The following USP47 variants were observed in gnomAD, a reference collection of about 807,000 sequenced individuals.
USP47 encodes ubiquitin specific peptidase 47, also known as ubiquitin carboxyl-terminal hydrolase 47.
USP47 carries 35 observed loss-of-function variants against 165.1 expected under a neutral mutation model. The observed-to-expected ratio is 0.21, with a 90% CI of 0.16 to 0.28. USP47 has a LOEUF of 0.28. Ranked by LOEUF, USP47 falls within the 10% of genes least tolerant of loss-of-function variation. USP47 has a pLI of 1.00. For missense variants in USP47, 1,277 were observed against 1,607.4 expected (o/e 0.79, Z 3.52); for synonymous variants, 531 against 544.5 (o/e 0.98, Z 0.35).
intron 1 of USP47, chr11:11,873,878 T>C: frequency 7.1e-7 from 1 of 1,409,456 alleles, no homozygotes; most frequent in Non-Finnish European, 9.4e-7. Context: ...CTGATGTAAT[T>C]GCTTTAATGT....
At chr11:11,947,739 A>G (rs1355077281) in intron 20 of USP47, among the ~76,000 whole-genome samples, 2 of 152,182 alleles carry the variant, frequency 1.3e-5, no homozygotes, top group Non-Finnish European at 2.9e-5. Flanking sequence ...ATAGCTCAGA[A>G]CATTTTAAGC....
chr11:11,905,824 C>CT (rs11290018), intron 8 of USP47, among the ~76,000 whole-genome samples: 105 of 147,764 alleles, frequency 7.1e-4, no homozygotes, highest in South Asian at 8.6e-4. Flanking sequence ...TCACTTTTAT[C>CT]TTTTTTTTTT....
rs1050312505 is a variant in USP47 at position 11,897,755 on chromosome 11, C to G, written c.593+62C>G. 5 of 1,166,662 alleles carry G rather than the reference C, an allele frequency of 4.3e-6. No individual in the cohort carries two copies. In the African/African-American group the frequency reaches 4.7e-5, roughly 11 times the overall value. The allele number at this position is 1,166,662 out of a possible 1,614,324, so 72.3% of individuals were successfully genotyped here. A position where few individuals can be genotyped will look rare whatever the true frequency, so the allele number is the denominator to read the frequency against. Reference sequence around the variant, plus strand: ...TTAAGAATGAAAATATCACTTTTAACAAAATTTATCTTCTTGCAGTTATTT... The same window carrying G: ...TTAAGAATGAAAATATCACTTTTAAGAAAATTTATCTTCTTGCAGTTATTT... On this transcript the variant is annotated intron_variant, in intron 5 of 27. Transcript: ENST00000527733.
chr11:11,900,109 G>C (rs1347461621), intron 5 of USP47, among the ~76,000 whole-genome samples: 1 of 151,368 alleles, frequency 6.6e-6, no homozygotes, highest in Non-Finnish European at 1.5e-5. Flanking sequence ...AGTATCCAGA[G>C]AGTAGTGCTA....
At chr11:11,903,419 G>T in intron 7 of USP47, 77 bp downstream of exon 7, 1 of 1,408,450 alleles carries the variant, frequency 7.1e-7, no homozygotes, top group Non-Finnish European at 9.9e-7. Flanking sequence ...TTATTCTGTT[G>T]GAATGTTTTA....
chr11:11,892,082 T>C lies in USP47; in HGVS notation c.472T>C (p.Ser158Pro). The C allele has an allele frequency of 6.2e-7, 1 of 1,613,476 alleles. No individual in the cohort carries two copies. Among genetic ancestry groups the C allele is most frequent in the South Asian group, 1.1e-5 (1 of 90,940 alleles). The stretch of plus-strand genomic sequence containing the variant: ...TGTCAGCCAAAGCTACTCCTACTCA[T>C]CTATTTTGAATAAATCAGAAACTGG... Reference protein sequence around the residue: ...DYVSQSYSYSSILNKSETGYV... With the variant: ...DYVSQSYSYSPILNKSETGYV... The change falls in exon 4 of 28, where the codon TCT becomes CCT. Residue 158 changes from serine to proline, a missense_variant. By Grantham distance (74) the Ser-to-Pro change is moderately conservative (BLOSUM62 -1). This residue lies in a region of USP47 where 181 missense variants were observed against 194.7 expected (regional missense o/e 0.93). Coordinates refer to ENST00000527733, the MANE Select transcript of USP47 (RefSeq NM_001282659.2).
chr11:11,918,334 C>T (rs934013068), intron 8 of USP47, among the ~76,000 whole-genome samples: 1 of 151,978 alleles, frequency 6.6e-6, no homozygotes, highest in South Asian at 2.1e-4. Context: ...AAAGGAATCT[C>T]AAGAGACCAA....
intron 1 of USP47, 145 bp from the exon 2 acceptor site, chr11:11,880,032 A>T: frequency 1.8e-6 from 1 of 553,576 alleles, no homozygotes; most frequent in Non-Finnish European, 2.9e-6. Flanking sequence ...GTTTCAGACT[A>T]CGATAAAACA....
chr11:11,924,305 C>T (rs1005363966), intron 11 of USP47, among the ~76,000 whole-genome samples: 1 of 152,040 alleles, frequency 6.6e-6, no homozygotes, highest in Non-Finnish European at 1.5e-5. Flanking sequence ...CTTTGCATAC[C>T]TGGAATGAAT....
intron 1 of USP47, among the ~76,000 whole-genome samples, chr11:11,845,482 G>C (rs1848375912): frequency 6.6e-6 from 1 of 152,026 alleles, no homozygotes; most frequent in Non-Finnish European, 1.5e-5. Flanking sequence ...GCAATTACTA[G>C]ATGGTGCTTG....
chr11:11,842,951 ATAG>A (rs1462769590), intron 1 of USP47, among the ~76,000 whole-genome samples: 1 of 151,456 alleles, frequency 6.6e-6, no homozygotes, highest in Non-Finnish European at 1.5e-5. Context: ...CTTCTCTTGA[ATAG>A]TAGTAGAAGA....
chr11:11,876,779 G>A (rs1193098065), intron 1 of USP47, among the ~76,000 whole-genome samples: 1 of 152,142 alleles, frequency 6.6e-6, no homozygotes, highest in Non-Finnish European at 1.5e-5. Flanking sequence ...GTTATAAGAG[G>A]GAATGTTTCC....
At position 11,841,975 on chromosome 11, in the gene USP47, G is replaced by A; in HGVS notation, c.-211G>A. 2 of 528,186 alleles carry A rather than the reference G, an allele frequency of 3.8e-6. No homozygotes were observed. The highest frequency in any genetic ancestry group is 3.3e-5 in the East Asian group (1 of 30,114). 32.7% of individuals were successfully genotyped at this position (528,186 alleles called of 1,614,324 possible). On this transcript the variant is annotated 5_prime_UTR_variant, in exon 1 of 28. Transcript: ENST00000527733. ...GCGGGCTGGGGGAGGGGCCGACGAC[G>A]AAGGCGGCTGTGGTAGCGGCGGCGG...
chr11:11,846,136 C>A (rs1848413251), intron 1 of USP47, among the ~76,000 whole-genome samples: 1 of 152,106 alleles, frequency 6.6e-6, no homozygotes, highest in Non-Finnish European at 1.5e-5. Context: ...GAGCTTTTCA[C>A]CCGTTTCATT....
intron 25 of USP47, 125 bp from the exon 26 acceptor site, chr11:11,954,772 C>G: frequency 1.8e-6 from 2 of 1,133,994 alleles, no homozygotes. Context: ...TCTGCTTTTT[C>G]TTAATTTTTT....
At chr11:11,923,909 G>A (rs894923594) in intron 11 of USP47, among the ~76,000 whole-genome samples, 3 of 152,226 alleles carry the variant, frequency 2.0e-5, no homozygotes, top group Admixed American at 6.5e-5. Context: ...TGGCTCAAGA[G>A]CCAAATCTGG....
intron 17 of USP47, among the ~76,000 whole-genome samples, 166 bp from the exon 18 acceptor site, chr11:11,938,091 T>C (rs1220339103): frequency 6.6e-6 from 1 of 152,024 alleles, no homozygotes; most frequent in Non-Finnish European, 1.5e-5. Context: ...ACCTTTAATA[T>C]TTGTTTTGCA....
chr11:11,927,316 A>G (rs1472575948), intron 11 of USP47, among the ~76,000 whole-genome samples: 1 of 151,790 alleles, frequency 6.6e-6, no homozygotes, highest in Non-Finnish European at 1.5e-5. Context: ...TTTTTGGTTT[A>G]TTGGGCAGGA....
At chr11:11,929,933 A>T (rs1214685612) in intron 12 of USP47, 111 bp from the exon 13 acceptor site, 2 of 869,530 alleles carry the variant, frequency 2.3e-6, no homozygotes, top group South Asian at 1.6e-5. Flanking sequence ...GTGAGCAATC[A>T]TGAAGGTCTT....
Sources: gnomAD v4.1 joint callset for allele counts (sites outside exome capture counted in the v4.1 genomes callset) on GRCh38, gnomAD v4.1.1 for gene constraint, gnomAD v4.1.1 regional missense constraint, MANE v1.5 for transcripts, NCBI Gene and HGNC (gene_info 2026-07-23, HGNC 2026-07-21) for gene names.